THSD4: variants seen among roughly 807,000 people sequenced by gnomAD.
THSD4 encodes thrombospondin type-1 domain-containing protein 4.
THSD4 carries 69 observed loss-of-function variants against 119.0 expected under a neutral mutation model. That is an observed-to-expected ratio of 0.58 (90% CI 0.48 to 0.71). The LOEUF is 0.71. THSD4 is among the 30% of genes least tolerant of loss of function. The pLI, the probability that THSD4 is intolerant of heterozygous loss-of-function variation, is 0.00. For synonymous variants in THSD4, 524 were observed against 540.4 expected (o/e 0.97, Z 0.42); for missense variants, 1,393 against 1,391.1 (o/e 1.00, Z -0.02).
chr15:71,684,226 C>G (rs1377564468), intron 8 of THSD4, among the ~76,000 whole-genome samples: 1 of 152,028 alleles, frequency 6.6e-6, no homozygotes, highest in African/African-American at 2.4e-5. Flanking sequence ...ATATTTACCT[C>G]TATCTGGTAA....
At chr15:71,351,472 C>T (rs2045742722) in intron 6 of THSD4, among the ~76,000 whole-genome samples, 1 of 152,122 alleles carries the variant, frequency 6.6e-6, no homozygotes, top group Non-Finnish European at 1.5e-5. Context: ...CTGGTTTTTC[C>T]TCTCAAATTA....
chr15:71,589,167 A>T (rs1029186323), intron 7 of THSD4, among the ~76,000 whole-genome samples: 9 of 152,210 alleles, frequency 5.9e-5, no homozygotes, highest in Non-Finnish European at 1.3e-4. Context: ...AATGCCTTAT[A>T]CAGTGAATTT....
chr15:71,162,375 T>A (rs576382407), intron 3 of THSD4, among the ~76,000 whole-genome samples: 1 of 152,196 alleles, frequency 6.6e-6, no homozygotes, highest in South Asian at 2.1e-4. Flanking sequence ...TCTTCATTTC[T>A]GAAAAACAGC....
intron 7 of THSD4, among the ~76,000 whole-genome samples, chr15:71,624,394 C>T (rs959760919): frequency 6.6e-6 from 1 of 152,198 alleles, no homozygotes; most frequent in African/African-American, 2.4e-5. Context: ...ATTTAATCTT[C>T]AATTTGTAAA....
At chr15:71,768,560 A>ATTTTTT (rs964263863) in intron 16 of THSD4, among the ~76,000 whole-genome samples, 5 of 99,278 alleles carry the variant, frequency 5.0e-5, no homozygotes, top group African/African-American at 1.1e-4. Flanking sequence ...GCAGATCCTG[A>ATTTTTT]TTTTTTTTTT....
At chr15:71,616,969 T>A (rs138923493) in intron 7 of THSD4, among the ~76,000 whole-genome samples, 1 of 152,350 alleles carries the variant, frequency 6.6e-6, no homozygotes, top group African/African-American at 2.4e-5. Flanking sequence ...TAATAGGGGC[T>A]CAGAAGGGTT....
chr15:71,467,741 C>G (rs1261535623), intron 7 of THSD4, among the ~76,000 whole-genome samples: 1 of 152,098 alleles, frequency 6.6e-6, no homozygotes, highest in African/African-American at 2.4e-5. Flanking sequence ...TCCATAATTC[C>G]CATGTGTCAT....
At position 71,147,597 on chromosome 15, in the gene THSD4, G is replaced by T. The variant is rs190828261; in HGVS notation, c.29+6041G>T. The T allele has an allele frequency of 2.1e-4, 32 of 152,284 alleles. 1 individual carries two copies. Among genetic ancestry groups the T allele is most frequent in the Admixed American group, 1.9e-3 (29 of 15,272 alleles). 9.4% of individuals were successfully genotyped at this position (152,284 alleles called of 1,614,324 possible). ...GCGGATTGTTTTGTTTGCTGCAAAG[G>T]TGTATCAGAAACCATTTCTTCAAGA... On this transcript the variant is annotated intron_variant, in intron 2 of 17. Transcript: ENST00000261862.
intron 2 of THSD4, among the ~76,000 whole-genome samples, chr15:71,152,873 A>G (rs1368602663): frequency 2.0e-5 from 3 of 152,152 alleles, no homozygotes; most frequent in Non-Finnish European, 4.4e-5. Context: ...CCCGTACTCC[A>G]TGGGTATAAG....
chr15:71,552,231 T>A (rs72737250), intron 7 of THSD4, among the ~76,000 whole-genome samples: 21,404 of 152,234 alleles, frequency 0.14, 1,932 homozygotes, highest in Middle Eastern at 0.22. Flanking sequence ...TCTCTGGGCC[T>A]ATGAAAGTTC....
At chr15:71,549,119 C>A (rs1361518533) in intron 7 of THSD4, among the ~76,000 whole-genome samples, 3 of 152,244 alleles carry the variant, frequency 2.0e-5, no homozygotes, top group Admixed American at 6.5e-5. Context: ...TATACAGGCT[C>A]ACCCAAATCT....
intron 1 of THSD4, among the ~76,000 whole-genome samples, chr15:71,135,991 G>GTTTTTTTTTTTTTTTT (rs10540241): frequency 1.4e-5 from 1 of 69,126 alleles, no homozygotes; most frequent in Non-Finnish European, 2.7e-5. Context: ...GTTTAGTTTA[G>GTTTTTTTTTTTTTTTT]TTTTTTTTTT....
chr15:71,315,783 A>G (rs532099915), intron 6 of THSD4, among the ~76,000 whole-genome samples: 7 of 152,318 alleles, frequency 4.6e-5, no homozygotes, highest in African/African-American at 1.2e-4. Context: ...AGGAGGATGT[A>G]GATGCTTCAG....
At chr15:71,467,942 A>T (rs572069037) in intron 7 of THSD4, among the ~76,000 whole-genome samples, 44 of 150,514 alleles carry the variant, frequency 2.9e-4, no homozygotes, top group African/African-American at 8.6e-4. Flanking sequence ...TCCATCTCCC[A>T]GGTTCAAGCA....
intron 7 of THSD4, among the ~76,000 whole-genome samples, chr15:71,442,670 A>G (rs371836987): frequency 0.15 from 6,111 of 41,656 alleles, 1,016 homozygotes; most frequent in East Asian, 0.23. Context: ...GTATATATAT[A>G]TATATATATA....
intron 6 of THSD4, among the ~76,000 whole-genome samples, chr15:71,388,661 A>AGTGT (rs748438115): frequency 0.036 from 5,066 of 142,040 alleles, 129 homozygotes; most frequent in African/African-American, 0.065. Context: ...TTCTTTGGAG[A>AGTGT]GAGTGTGTGT....
In THSD4 at chr15:71,779,293, G is replaced by A. The variant is rs2053963317; in HGVS notation, c.*1919G>A. ...CTCCCAAACCGACAAAGTGAAAAGA[G>A]ACCAGAGAGGCCAAGCATATTGACT... is the stretch of plus-strand genomic sequence containing the variant. On this transcript the variant is annotated 3_prime_UTR_variant, in exon 18 of 18. Transcript: ENST00000261862. 1 of 152,222 alleles carries A rather than the reference G, an allele frequency of 6.6e-6. No individual in the cohort carries two copies. Among genetic ancestry groups the A allele is most frequent in the Non-Finnish European group, 1.5e-5 (1 of 68,062 alleles). 9.4% of individuals were successfully genotyped at this position (152,222 alleles called of 1,614,324 possible). A position where few individuals can be genotyped will look rare whatever the true frequency, so the allele number is the denominator to read the frequency against.
chr15:71,581,516 G>C (rs2049558652), intron 7 of THSD4, among the ~76,000 whole-genome samples: 1 of 152,012 alleles, frequency 6.6e-6, no homozygotes. Flanking sequence ...TTCATTTGCT[G>C]TGCAGAAGAT....
intron 7 of THSD4, among the ~76,000 whole-genome samples, chr15:71,535,772 T>A (rs1046498973): frequency 6.6e-5 from 10 of 152,224 alleles, no homozygotes; most frequent in African/African-American, 2.2e-4. Context: ...TGCCCATTTT[T>A]AATTGAGTTT....
Sources: allele counts gnomAD v4.1 joint callset (sites outside exome capture counted in the v4.1 genomes callset), GRCh38; gene constraint gnomAD v4.1.1; transcripts MANE v1.5; gene names NCBI Gene and HGNC (gene_info 2026-07-23, HGNC 2026-07-21).